MARCHF1: variants seen among roughly 807,000 people sequenced by gnomAD.
MARCHF1 encodes membrane associated ring-CH-type finger 1.
MARCHF1 carries 40 observed loss-of-function variants against 54.2 expected under a neutral mutation model. The observed-to-expected ratio is 0.74, with a 90% confidence interval of 0.57 to 0.96. MARCHF1 has a LOEUF of 0.96. Ranked by LOEUF, MARCHF1 falls within the 40% of genes least tolerant of loss-of-function variation. The pLI, the probability that MARCHF1 is intolerant of heterozygous loss-of-function variation, is 0.00. For synonymous variants in MARCHF1, 236 were observed against 236.3 expected, an observed-to-expected ratio of 1.00 and a Z score of 0.01; for missense variants, 586 against 656.5, an observed-to-expected ratio of 0.89 and a Z score of 1.17.
At chr4:164,215,552 A>G (rs1378793618) in intron 1 of MARCHF1, among the ~76,000 whole-genome samples, 1 of 152,170 alleles carries the variant, frequency 6.6e-6, no homozygotes, top group African/African-American at 2.4e-5. Context: ...GTGGAGCCCT[A>G]GCCAGGGACC....
intron 4 of MARCHF1, among the ~76,000 whole-genome samples, chr4:163,704,149 A>C (rs1201343092): frequency 1.3e-5 from 2 of 151,830 alleles, no homozygotes; most frequent in African/African-American, 4.8e-5. Context: ...TGCAAAAAAA[A>C]ACACACTAAG....
At chr4:163,704,866 G>T (rs936415134) in intron 4 of MARCHF1, among the ~76,000 whole-genome samples, 1 of 151,510 alleles carries the variant, frequency 6.6e-6, no homozygotes, top group African/African-American at 2.4e-5. Context: ...TTTCTTAAAG[G>T]AAGTCTTTGA....
intron 1 of MARCHF1, among the ~76,000 whole-genome samples, chr4:164,195,292 C>T (rs1731225008): frequency 6.6e-6 from 1 of 151,800 alleles, no homozygotes; most frequent in Non-Finnish European, 1.5e-5. Context: ...AATATTTTTC[C>T]AAATGCAATT....
At chr4:164,218,440 C>T (rs957308404) in intron 1 of MARCHF1, among the ~76,000 whole-genome samples, 1 of 151,756 alleles carries the variant, frequency 6.6e-6, no homozygotes, top group African/African-American at 2.4e-5. Context: ...GGGCAGTAAC[C>T]ACAGGAAATG....
intron 3 of MARCHF1, among the ~76,000 whole-genome samples, chr4:163,900,874 A>C (rs566490007): frequency 6.6e-6 from 1 of 152,188 alleles, no homozygotes; most frequent in African/African-American, 2.4e-5. Flanking sequence ...AATGACATAA[A>C]TATTAATATA....
intron 3 of MARCHF1, among the ~76,000 whole-genome samples, chr4:163,923,086 T>C (rs1233224310): frequency 6.6e-6 from 1 of 152,198 alleles, no homozygotes; most frequent in Non-Finnish European, 1.5e-5. Flanking sequence ...TGTTAAAATA[T>C]GTGTTTGAAG....
intron 1 of MARCHF1, among the ~76,000 whole-genome samples, chr4:164,303,031 A>C (rs969012151): frequency 6.6e-6 from 1 of 152,162 alleles, no homozygotes; most frequent in African/African-American, 2.4e-5. Flanking sequence ...CTTAAAAATC[A>C]CTAATAGATG....
chr4:163,863,690 G>A (rs1286321467), intron 3 of MARCHF1, among the ~76,000 whole-genome samples: 1 of 151,962 alleles, frequency 6.6e-6, no homozygotes, highest in Non-Finnish European at 1.5e-5. Context: ...CAACAAATAT[G>A]CCGAGTGCCC....
intron 1 of MARCHF1, among the ~76,000 whole-genome samples, chr4:164,369,679 C>T (rs561629198): frequency 7.2e-5 from 11 of 152,128 alleles, no homozygotes; most frequent in Admixed American, 6.5e-5. Context: ...AATGTACTAA[C>T]GTTCTATAAT....
intron 1 of MARCHF1, among the ~76,000 whole-genome samples, chr4:164,304,641 A>G (rs1402335487): frequency 6.6e-6 from 1 of 152,220 alleles, no homozygotes. Context: ...GTGGCAGGAC[A>G]TGTAACAAGA....
chr4:163,636,732 T>C (rs565296041), intron 5 of MARCHF1, among the ~76,000 whole-genome samples: 254 of 152,108 alleles, frequency 1.7e-3, no homozygotes, highest in African/African-American at 5.9e-3. Flanking sequence ...CTTCACACAA[T>C]TGGAAAAAAC....
intron 4 of MARCHF1, among the ~76,000 whole-genome samples, chr4:163,709,879 G>A (rs576649062): frequency 6.6e-6 from 1 of 152,230 alleles, no homozygotes; most frequent in East Asian, 1.9e-4. Flanking sequence ...GCAAACTTTG[G>A]ACAAGTATAT....
At chr4:163,565,285 CATG>C (rs1739609720) in intron 8 of MARCHF1, among the ~76,000 whole-genome samples, 2 of 152,136 alleles carry the variant, frequency 1.3e-5, no homozygotes, top group African/African-American at 4.8e-5. Flanking sequence ...ACTGTAATGA[CATG>C]ATATCTTATA....
intron 1 of MARCHF1, among the ~76,000 whole-genome samples, chr4:164,351,232 T>A (rs375044010): frequency 1.3e-5 from 2 of 149,566 alleles, no homozygotes; most frequent in African/African-American, 2.4e-5. Flanking sequence ...CAAAGCAGCC[T>A]GGAAGCTCCA....
intron 5 of MARCHF1, among the ~76,000 whole-genome samples, chr4:163,634,267 G>A (rs1171775884): frequency 6.6e-6 from 1 of 150,732 alleles, no homozygotes; most frequent in Admixed American, 6.6e-5. Flanking sequence ...AAATGAAAAT[G>A]GACTAAATGC....
At chr4:164,133,969 A>G (rs1483096980) in intron 1 of MARCHF1, among the ~76,000 whole-genome samples, 2 of 152,214 alleles carry the variant, frequency 1.3e-5, no homozygotes, top group East Asian at 1.9e-4. Flanking sequence ...TCTTAATTAT[A>G]TTGAAAATTT....
intron 2 of MARCHF1, among the ~76,000 whole-genome samples, chr4:164,082,739 G>A (rs1051568665): frequency 2.0e-5 from 3 of 152,038 alleles, no homozygotes; most frequent in Non-Finnish European, 2.9e-5. Flanking sequence ...TCAAACCCAC[G>A]AAGCAAGCAA....
At chr4:163,979,619 C>G (rs1752720849) in intron 3 of MARCHF1, among the ~76,000 whole-genome samples, 1 of 151,706 alleles carries the variant, frequency 6.6e-6, no homozygotes, top group African/African-American at 2.4e-5. Flanking sequence ...AATGGTTGAA[C>G]TAGTTTACAG....
At chr4:163,860,648 TCTC>T (rs1178477471) in intron 3 of MARCHF1, among the ~76,000 whole-genome samples, 4 of 152,026 alleles carry the variant, frequency 2.6e-5, no homozygotes, top group Admixed American at 2.6e-4. Flanking sequence ...ACAGAATACT[TCTC>T]CTCTACTGTA....
Sources: allele counts gnomAD v4.1 joint callset (sites outside exome capture counted in the v4.1 genomes callset), GRCh38; gene constraint gnomAD v4.1.1; transcripts MANE v1.5; gene names NCBI Gene and HGNC (gene_info 2026-07-23, HGNC 2026-07-21).